Variants in GRM8 observed in about 807,000 individuals in gnomAD.
GRM8 encodes glutamate metabotropic receptor 8, also known as metabotropic glutamate receptor 8.
In GRM8, 47 loss-of-function variants were observed where a neutral mutation model predicts 87.2. The ratio of observed to expected loss-of-function variants is 0.54; its 90% CI spans 0.43 to 0.69. GRM8 has a LOEUF of 0.69. Ranked by LOEUF, GRM8 falls within the 30% of genes least tolerant of loss-of-function variation. The pLI, the probability that GRM8 is intolerant of heterozygous loss-of-function variation, is 0.00. For missense variants in GRM8, 1,019 were observed against 1,139.2 expected, an observed-to-expected ratio of 0.89 and a Z score of 1.52; for synonymous variants, 396 against 404.5, an observed-to-expected ratio of 0.98 and a Z score of 0.25.
At chr7:126,654,652 G>A (rs940947126) in intron 7 of GRM8, among the ~76,000 whole-genome samples, 6 of 152,150 alleles carry the variant, frequency 3.9e-5, no homozygotes, top group African/African-American at 1.2e-4. Flanking sequence ...GAACACTGAA[G>A]TGGGAGATTT....
chr7:127,171,417 G>T (rs767684608), intron 2 of GRM8, among the ~76,000 whole-genome samples: 55 of 152,220 alleles, frequency 3.6e-4, no homozygotes, highest in South Asian at 1.2e-3. Flanking sequence ...ATAAAATGTT[G>T]TCAAACAGCA....
intron 2 of GRM8, chr7:127,118,117 A>C (rs1826810817): frequency 6.6e-6 from 1 of 152,222 alleles, no homozygotes; most frequent in Non-Finnish European, 1.5e-5. Context: ...ACCTAATAGC[A>C]CTGGAAATTC....
At chr7:127,108,092 G>A (rs868336937) in intron 2 of GRM8, among the ~76,000 whole-genome samples, 6 of 152,144 alleles carry the variant, frequency 3.9e-5, no homozygotes, top group Middle Eastern at 3.2e-3. Flanking sequence ...GTGGGACCAT[G>A]AAAACCATCT....
At chr7:126,463,293 T>C (rs897886608) in intron 9 of GRM8, among the ~76,000 whole-genome samples, 1 of 151,574 alleles carries the variant, frequency 6.6e-6, no homozygotes, top group Non-Finnish European at 1.5e-5. Flanking sequence ...TAAAATTGTA[T>C]ACTCAGTGCA....
At chr7:126,837,413 T>C (rs1795904726) in intron 6 of GRM8, among the ~76,000 whole-genome samples, 1 of 152,234 alleles carries the variant, frequency 6.6e-6, no homozygotes, top group Admixed American at 6.5e-5. Context: ...CCACTTTATA[T>C]GCAAATATGC....
intron 6 of GRM8, among the ~76,000 whole-genome samples, chr7:126,865,775 G>T (rs1046280287): frequency 1.3e-5 from 2 of 152,068 alleles, no homozygotes; most frequent in African/African-American, 4.8e-5. Flanking sequence ...TATTTTTATT[G>T]CCAAATAATA....
At chr7:127,077,639 A>C (rs1033194438) in intron 3 of GRM8, among the ~76,000 whole-genome samples, 3 of 152,374 alleles carry the variant, frequency 2.0e-5, no homozygotes, top group Admixed American at 2.0e-4. Flanking sequence ...GTCAGTTTGC[A>C]TTAAAACAAA....
chr7:126,542,744 A>T (rs1449735482), intron 8 of GRM8, among the ~76,000 whole-genome samples: 2 of 152,228 alleles, frequency 1.3e-5, no homozygotes, highest in Non-Finnish European at 2.9e-5. Context: ...AAGGACTTTT[A>T]GGCAAATATA....
chr7:126,852,788 A>G (rs1240648425), intron 6 of GRM8, among the ~76,000 whole-genome samples: 1 of 152,068 alleles, frequency 6.6e-6, no homozygotes, highest in Non-Finnish European at 1.5e-5. Context: ...TCATATATTT[A>G]TATTTATTTC....
intron 3 of GRM8, among the ~76,000 whole-genome samples, chr7:127,104,282 C>T (rs570967139): frequency 6.6e-6 from 1 of 152,072 alleles, no homozygotes; most frequent in South Asian, 2.1e-4. Flanking sequence ...TTTTTAAAAA[C>T]ACACTACTAA....
intron 3 of GRM8, among the ~76,000 whole-genome samples, chr7:127,013,651 C>A (rs1815114468): frequency 6.6e-6 from 1 of 152,078 alleles, no homozygotes; most frequent in Non-Finnish European, 1.5e-5. Context: ...AGATCAGTAA[C>A]CTGCTGACAA....
chr7:126,898,449 G>A (rs1801753144), intron 6 of GRM8, among the ~76,000 whole-genome samples: 1 of 152,156 alleles, frequency 6.6e-6, no homozygotes, highest in African/African-American at 2.4e-5. Context: ...TCCACCCAGA[G>A]ACAAGTTATT....
chr7:126,557,251 C>T (rs561627658), intron 8 of GRM8, among the ~76,000 whole-genome samples: 20 of 152,112 alleles, frequency 1.3e-4, no homozygotes, highest in Admixed American at 1.3e-4. Context: ...GCAAAGGCAG[C>T]GGTATTAGGG....
At chr7:126,523,237 A>T (rs998943750) in intron 9 of GRM8, among the ~76,000 whole-genome samples, 15 of 152,138 alleles carry the variant, frequency 9.9e-5, no homozygotes, top group Non-Finnish European at 2.1e-4. Flanking sequence ...GTCTTAGAAA[A>T]GTTTTTCTTG....
rs141910541 is a variant in GRM8 at position 126,901,186 on chromosome 7, G to A, written c.1156+1356C>T. ...TTGAACAAAAGAGCCTTACTCTGGC[G>A]CTAGAGCTTGTCATGCATTCCTGTC... On this transcript the variant is annotated intron_variant, in intron 6 of 10. Coordinates refer to ENST00000339582, the MANE Select transcript of GRM8 (RefSeq NM_000845.3). 3.6e-3 allele frequency among the ~76,000 whole-genome samples: 553 copies of A among 152,030 alleles called. 4 individuals are homozygous for A. The highest frequency in any genetic ancestry group is 0.013 in the African/African-American group (520 of 41,434).
chr7:127,179,848 G>C (rs1223616602), intron 2 of GRM8, among the ~76,000 whole-genome samples: 1 of 151,958 alleles, frequency 6.6e-6, no homozygotes. Context: ...TAAAGCAAAG[G>C]CGGTGCTAAG....
rs1813402561 is a variant in GRM8 at position 126,523,837 on chromosome 7, T to G, written c.2430+9115A>C. On this transcript the variant is annotated intron_variant, in intron 9 of 10. Coordinates refer to ENST00000339582, the MANE Select transcript of GRM8 (RefSeq NM_000845.3). ...TAAAATTTATATTACTATTTTTGAT[T>G]TACAGGGTTTGTATAATATTTACAT... Among the ~76,000 whole-genome samples the G allele has an allele frequency of 2.6e-5, 4 of 152,112 alleles. No individual in the cohort carries two copies. In the South Asian group the frequency reaches 8.3e-4, roughly 31 times the overall value.
chr7:126,685,085 C>G lies in GRM8; in HGVS notation c.1358-75587G>C, dbSNP rs1808014849. Among the ~76,000 whole-genome samples the G allele has an allele frequency of 1.3e-5, 2 of 152,318 alleles. No individual in the cohort carries two copies. The highest frequency in any genetic ancestry group is 6.5e-5 in the Admixed American group (1 of 15,304). Reference sequence around the variant, plus strand: ...AAGGAAGCTGACTGCACTGCCCCCACCTTCACGCAGCCGGGCAGTACCCAC... The same window carrying G: ...AAGGAAGCTGACTGCACTGCCCCCAGCTTCACGCAGCCGGGCAGTACCCAC... On this transcript the variant is annotated intron_variant, in intron 7 of 10. Transcript: ENST00000339582. This position sits in a 1 kb window ranked among gnomAD's most constrained non-coding sequence, Gnocchi z 4.2.
chr7:126,546,434 C>T (rs755334374), intron 8 of GRM8, among the ~76,000 whole-genome samples: 2 of 152,050 alleles, frequency 1.3e-5, no homozygotes, highest in African/African-American at 2.4e-5. Context: ...ACATCCCATC[C>T]AGAAAAGGGA....
Sources: gnomAD v4.1 joint callset for allele counts (sites outside exome capture counted in the v4.1 genomes callset) on GRCh38, gnomAD v4.1.1 for gene constraint, Gnocchi (gnomAD v3.1) non-coding constraint, MANE v1.5 for transcripts, NCBI Gene and HGNC (gene_info 2026-07-23, HGNC 2026-07-21) for gene names.